The following CELA2B variants were observed in gnomAD, a reference collection of about 807,000 sequenced individuals.
CELA2B encodes chymotrypsin-like elastase family member 2B.
CELA2B carries 27 observed loss-of-function variants against 36.5 expected under a neutral mutation model. That is an observed-to-expected ratio of 0.74 (90% CI 0.55 to 1.02). The LOEUF (loss-of-function observed/expected upper bound fraction) is 1.02. Ranked by LOEUF, CELA2B falls within the 50% of genes least tolerant of loss-of-function variation. The pLI is 0.00. For synonymous variants in CELA2B, 143 were observed against 148.5 expected, an observed-to-expected ratio of 0.96 and a Z score of 0.27; for missense variants, 340 against 347.8, an observed-to-expected ratio of 0.98 and a Z score of 0.18.
At chr1:15,477,752 A>G (rs565389938) in intron 2 of CELA2B, among the ~76,000 whole-genome samples, 2 of 152,326 alleles carry the variant, frequency 1.3e-5, no homozygotes, top group Non-Finnish European at 2.9e-5. Flanking sequence ...TCTTCCAAGC[A>G]TTTAACTTTG....
chr1:15,476,285 A>G lies in CELA2B; in HGVS notation c.40+120A>G, dbSNP rs1708669000. ...CTACTGCATTCAGACCTATAATCAT[A>G]AGAAAACCGAAATGGAGTTTCAAAG... On this transcript the variant is annotated intron_variant, in intron 1 of 7. Transcript: ENST00000375910. 2.0e-6 allele frequency: 3 copies of G among 1,467,732 alleles called. No individual in the cohort carries two copies. The Admixed American group carries it at 5.9e-5, about 29-fold the overall frequency. The allele number at this position is 1,467,732 out of a possible 1,614,324, so 90.9% of individuals were successfully genotyped here.
Position 15,482,413 on chromosome 1 carries a change from C to A in CELA2B, c.356+20C>A, listed in dbSNP as rs951885007. ...CAAAGGGTTCGTTTCTATCTGGGTG[C>A]ACTTGGGGGTGAGGTTGTCAGGGAA... On this transcript the variant is annotated intron_variant, in intron 4 of 7. Coordinates refer to ENST00000375910, the MANE Select transcript of CELA2B (RefSeq NM_015849.3). The A allele has an allele frequency of 6.2e-7, 1 of 1,613,548 alleles. No individual in the cohort carries two copies. Among genetic ancestry groups the A allele is most frequent in the African/African-American group, 1.3e-5 (1 of 74,896 alleles).
chr1:15,490,737 G>T lies in CELA2B; in HGVS notation c.793-558G>T, dbSNP rs61111545. The T allele has an allele frequency of 3.6e-3, 563 of 154,330 alleles. 4 individuals carry two copies. The highest frequency in any genetic ancestry group is 0.022 in the East Asian group (115 of 5,246). The allele number at this position is 154,330 out of a possible 1,614,324, so 9.6% of individuals were successfully genotyped here. A position where few individuals can be genotyped will look rare whatever the true frequency, so the allele number is the denominator to read the frequency against. On this transcript the variant is annotated intron_variant, in intron 7 of 7. Coordinates refer to ENST00000375910, the MANE Select transcript of CELA2B (RefSeq NM_015849.3). ...GCAAAAAAATCAGCCAGGCATGGTG[G>T]TGCACACCTGTAATATCAGCTACTC... is the stretch of plus-strand genomic sequence containing the variant.
At chr1:15,478,872 T>C (rs1356053930) in intron 2 of CELA2B, among the ~76,000 whole-genome samples, 2 of 152,078 alleles carry the variant, frequency 1.3e-5, no homozygotes, top group Non-Finnish European at 2.9e-5. Flanking sequence ...CAGCCAGCTA[T>C]TGTAATTACA....
In CELA2B at chr1:15,488,762, C is replaced by A. The variant is rs1253122398; in HGVS notation, c.792+1325C>A. Among the ~76,000 whole-genome samples the A allele has an allele frequency of 2.0e-5, 3 of 152,148 alleles. No individual in the cohort carries two copies. In the East Asian group the frequency reaches 5.8e-4, roughly 29 times the overall value. ...TGAATTAAACTGACACTTATAAAAC[C>A]AAATATGAAACTGCAGCCATAAGCA... On this transcript the variant is annotated intron_variant, in intron 7 of 7. Coordinates refer to ENST00000375910, the MANE Select transcript of CELA2B (RefSeq NM_015849.3).
At chr1:15,488,269 C>A (rs1708830011) in intron 7 of CELA2B, among the ~76,000 whole-genome samples, 1 of 151,832 alleles carries the variant, frequency 6.6e-6, no homozygotes, top group Non-Finnish European at 1.5e-5. Flanking sequence ...TGCCTGTAGT[C>A]TCAGCTGCTT....
intron 6 of CELA2B, among the ~76,000 whole-genome samples, chr1:15,486,731 G>A (rs892542092): frequency 1.3e-5 from 2 of 152,218 alleles, no homozygotes; most frequent in Non-Finnish European, 2.9e-5. Context: ...GTCCCCTCCA[G>A]GTAGCTGTCA....
Position 15,482,246 on chromosome 1 carries a change from T to A in CELA2B, c.228-19T>A. On this transcript the variant is annotated intron_variant, in intron 3 of 7. Transcript: ENST00000375910. The stretch of plus-strand genomic sequence containing the variant: ...AGGCCTCTGGAGGTGACCCTCTCCC[T>A]GGGACCCCTTTCTCCCAGCTCCTCC... The A allele has an allele frequency of 1.2e-6, 2 of 1,613,330 alleles. No individual in the cohort carries two copies. Among genetic ancestry groups the A allele is most frequent in the South Asian group, 2.2e-5 (2 of 91,048 alleles).
At chr1:15,481,526 C>T in intron 3 of CELA2B, 1 of 531,578 alleles carries the variant, frequency 1.9e-6, no homozygotes, top group Non-Finnish European at 3.7e-6. Flanking sequence ...CTTCTCAAAG[C>T]TTCAATACCA....
chr1:15,486,128 A>G, intron 6 of CELA2B, 82 bp downstream of exon 6: 3 of 1,538,860 alleles, frequency 1.9e-6, no homozygotes, highest in South Asian at 1.2e-5. Flanking sequence ...CCATCCCTCC[A>G]TAGGTCCATC....
chr1:15,483,140 C>T lies in CELA2B; in HGVS notation c.357-124C>T, dbSNP rs1433934540. On this transcript the variant is annotated intron_variant, in intron 4 of 7. Transcript: ENST00000375910. ...ACATTTTCAAACATGCCCTGTGGGC[C>T]CTGCCGGTCAGAGCAACCTGGGGTA... 6.2e-6 allele frequency: 9 copies of T among 1,455,478 alleles called. No individual in the cohort carries two copies. The Admixed American group carries it at 1.0e-4, about 17-fold the overall frequency. 90.2% of individuals were successfully genotyped at this position (1,455,478 alleles called of 1,614,324 possible).
rs1479274632 is a variant in CELA2B at position 15,491,371 on chromosome 1, T to A, written c.*59T>A. 7 of 1,588,848 alleles carry A rather than the reference T, an allele frequency of 4.4e-6. No homozygotes were observed. Among genetic ancestry groups the A allele is most frequent in the African/African-American group, 1.3e-5 (1 of 74,306 alleles). On this transcript the variant is annotated 3_prime_UTR_variant, in exon 8 of 8. Transcript: ENST00000375910. ...GAAAGGTCACAGAAGGAAAATAATA[T>A]TATATAAAGTGACAACTATGCAAAT...
chr1:15,482,970 G>A (rs1347545743), intron 4 of CELA2B, among the ~76,000 whole-genome samples: 1 of 151,978 alleles, frequency 6.6e-6, no homozygotes, highest in African/African-American at 2.4e-5. Context: ...TGTATTTTTA[G>A]TAGAGACGGA....
intron 4 of CELA2B, 48 bp from the exon 5 acceptor site, chr1:15,483,216 C>A (rs772031053): frequency 6.2e-7 from 1 of 1,610,718 alleles, no homozygotes; most frequent in East Asian, 2.2e-5. Context: ...CCCCATAGGG[C>A]AGGAAAAGTC....
At position 15,485,903 on chromosome 1, in the gene CELA2B, A is replaced by G; in HGVS notation, c.496A>G (p.Asn166Asp). 6.2e-7 allele frequency: 1 copy of G among 1,614,206 alleles called. No homozygotes were observed. The highest frequency in any genetic ancestry group is 8.5e-7 in the Non-Finnish European group (1 of 1,180,038). ...GGCTTCTCTCTGGTCTCATTCAGCC[A>G]ACGGGGCTCTCCCTGATGACCTGAA... ...YVTGWGRLQT[N>D]GALPDDLKQG... The change falls in exon 6 of 8, where the codon AAC (asparagine) becomes GAC (aspartate). Residue 166 changes from asparagine to aspartate, a missense_variant and splice_region_variant. Transcript: ENST00000375910.
chr1:15,485,800 T>A (rs1309833603), intron 5 of CELA2B, 101 bp from the exon 6 acceptor site: 8 of 1,404,146 alleles, frequency 5.7e-6, no homozygotes, highest in African/African-American at 2.8e-5. Flanking sequence ...CATGTTGCAA[T>A]GGATGGAAGA....
chr1:15,477,441 C>G, intron 2 of CELA2B, among the ~76,000 whole-genome samples: 1 of 152,100 alleles, frequency 6.6e-6, no homozygotes, highest in East Asian at 1.9e-4. Flanking sequence ...ATAATTGGGA[C>G]TGACTAAATG....
At chr1:15,483,180 T>C in intron 4 of CELA2B, 84 bp from the exon 5 acceptor site, 6 of 1,585,864 alleles carry the variant, frequency 3.8e-6, no homozygotes, top group Admixed American at 1.7e-5. Flanking sequence ...ACAGGGAAGA[T>C]GACAAGGTCT....
chr1:15,484,599 G>A (rs1420231013), intron 5 of CELA2B, among the ~76,000 whole-genome samples: 3 of 152,140 alleles, frequency 2.0e-5, no homozygotes, highest in East Asian at 3.8e-4. Context: ...GGCATTTCAT[G>A]CTTATTAAGA....
Sources: gnomAD v4.1 joint callset for allele counts (sites outside exome capture counted in the v4.1 genomes callset) on GRCh38, gnomAD v4.1.1 for gene constraint, MANE v1.5 for transcripts, NCBI Gene and HGNC (gene_info 2026-07-23, HGNC 2026-07-21) for gene names.